EPHB1: variants seen among roughly 807,000 people sequenced by gnomAD.
EPHB1 encodes EPH receptor B1, also known as ephrin type-B receptor 1.
A neutral mutation model predicts 94.4 loss-of-function variants in EPHB1; 30 were observed. The observed-to-expected ratio is 0.32, with a 90% confidence interval of 0.24 to 0.43. The LOEUF (loss-of-function observed/expected upper bound fraction) is 0.43. EPHB1 is among the 20% of genes least tolerant of loss of function. The probability of loss-of-function intolerance (pLI) is 1.00; values close to 1 mark genes in which losing one functional copy is unlikely to be tolerated. For synonymous variants in EPHB1, 522 were observed against 489.1 expected (o/e 1.07, Z -0.89); for missense variants, 1,055 against 1,308.3 (o/e 0.81, Z 2.99).
chr3:134,795,525 G>A lies in EPHB1; in HGVS notation c.-107G>A. ...GTCCGGTCCGGGCGAGAGCGCGAAAGGATACCGAGAAGCCACCCGCGGAGA... is the reference window on the plus strand; with the variant it reads ...GTCCGGTCCGGGCGAGAGCGCGAAAAGATACCGAGAAGCCACCCGCGGAGA... On this transcript the variant is annotated 5_prime_UTR_variant, in exon 1 of 16. Coordinates refer to ENST00000398015, the MANE Select transcript of EPHB1 (RefSeq NM_004441.5). 9.2e-7 allele frequency: 1 copy of A among 1,089,264 alleles called. No homozygotes were observed. The highest frequency in any genetic ancestry group is 1.3e-6 in the Non-Finnish European group (1 of 757,106). The allele number at this position is 1,089,264 out of a possible 1,614,324, so 67.5% of individuals were successfully genotyped here.
intron 3 of EPHB1, among the ~76,000 whole-genome samples, chr3:134,952,411 A>G (rs555453409): frequency 1.3e-5 from 2 of 148,806 alleles, no homozygotes; most frequent in South Asian, 4.3e-4. Context: ...ACACACCCCT[A>G]TATCCTGCAT....
intron 15 of EPHB1, among the ~76,000 whole-genome samples, chr3:135,252,673 C>T: frequency 7.0e-6 from 1 of 143,314 alleles, no homozygotes; most frequent in African/African-American, 2.5e-5. Context: ...CCACAATAAA[C>T]ATACGTTTGC....
At chr3:135,114,593 A>G (rs1939606284) in intron 4 of EPHB1, among the ~76,000 whole-genome samples, 2 of 147,132 alleles carry the variant, frequency 1.4e-5, no homozygotes, top group South Asian at 4.3e-4. Flanking sequence ...GCGTGGTGGC[A>G]TGTTCCTGTA....
chr3:135,201,791 C>T, intron 12 of EPHB1, 102 bp downstream of exon 12: 1 of 1,105,898 alleles, frequency 9.0e-7, no homozygotes, highest in Non-Finnish European at 1.3e-6. Context: ...GGAATGGAAC[C>T]TGAACTGAGC....
intron 1 of EPHB1, among the ~76,000 whole-genome samples, chr3:134,873,707 G>A (rs559013079): frequency 5.9e-5 from 9 of 152,336 alleles, no homozygotes; most frequent in South Asian, 2.1e-4. Context: ...CCCTGGCCAC[G>A]CATCTGTGTT....
chr3:135,050,321 A>C (rs1184996407), intron 3 of EPHB1, among the ~76,000 whole-genome samples: 2 of 152,234 alleles, frequency 1.3e-5, no homozygotes, highest in African/African-American at 4.8e-5. Context: ...TGTAAAAGTC[A>C]CCTTGATCCC....
chr3:135,208,207 C>A (rs536378222), intron 12 of EPHB1, among the ~76,000 whole-genome samples: 3 of 151,862 alleles, frequency 2.0e-5, no homozygotes, highest in African/African-American at 7.3e-5. Flanking sequence ...TCCAAGGAGG[C>A]CTGTAGCAGT....
intron 2 of EPHB1, among the ~76,000 whole-genome samples, chr3:134,928,669 G>A (rs769971590): frequency 2.6e-5 from 4 of 152,256 alleles, no homozygotes; most frequent in African/African-American, 9.6e-5. Flanking sequence ...ATCAGTATTC[G>A]ACTTAGGGGC....
chr3:134,959,184 G>C (rs1333574863), intron 3 of EPHB1, among the ~76,000 whole-genome samples: 5 of 152,122 alleles, frequency 3.3e-5, no homozygotes, highest in Non-Finnish European at 5.9e-5. Flanking sequence ...GTCCAATAGG[G>C]GCCCTAATGC....
intron 3 of EPHB1, among the ~76,000 whole-genome samples, chr3:135,078,631 A>T (rs1042635539): frequency 7.9e-5 from 12 of 152,240 alleles, no homozygotes; most frequent in Admixed American, 5.2e-4. Context: ...TTGCCAGCAC[A>T]ATCTGTGAAA....
chr3:135,026,447 C>T (rs1936174332), intron 3 of EPHB1, among the ~76,000 whole-genome samples: 2 of 149,710 alleles, frequency 1.3e-5, no homozygotes, highest in South Asian at 2.1e-4. Context: ...GCCAGTTTTC[C>T]CAGCACCATT....
At chr3:134,915,826 C>T (rs891202678) in intron 1 of EPHB1, among the ~76,000 whole-genome samples, 3 of 152,124 alleles carry the variant, frequency 2.0e-5, no homozygotes, top group Non-Finnish European at 2.9e-5. Context: ...CTCATAAAGG[C>T]GTTGTGGACC....
At chr3:135,007,441 A>G (rs1051960640) in intron 3 of EPHB1, among the ~76,000 whole-genome samples, 2 of 152,240 alleles carry the variant, frequency 1.3e-5, no homozygotes, top group African/African-American at 4.8e-5. Context: ...AAATAATGGC[A>G]AGTGGATTCA....
intron 5 of EPHB1, among the ~76,000 whole-genome samples, chr3:135,134,962 G>T (rs1041271764): frequency 6.6e-6 from 1 of 152,052 alleles, no homozygotes; most frequent in Non-Finnish European, 1.5e-5. Context: ...CACCTTCCTA[G>T]ACTGCAGTGG....
At chr3:134,850,890 G>T (rs947943800) in intron 1 of EPHB1, among the ~76,000 whole-genome samples, 1 of 152,264 alleles carries the variant, frequency 6.6e-6, no homozygotes, top group African/African-American at 2.4e-5. Flanking sequence ...ACCTGTTGGT[G>T]CAGAGCCAGG....
intron 5 of EPHB1, among the ~76,000 whole-genome samples, chr3:135,139,755 G>A (rs1418292578): frequency 6.6e-6 from 1 of 152,206 alleles, no homozygotes; most frequent in African/African-American, 2.4e-5. Context: ...TCAAAAGTTA[G>A]GATGGAACCA....
Position 135,077,149 on chromosome 3 carries a change from T to G in EPHB1, c.806-29299T>G, listed in dbSNP as rs142091330. Reference sequence around the variant, plus strand: ...AAAGAAAGAGAAGTAGATTCCAGAATGTATTTTGCCAAAGGAACCATGGAC... The same window carrying G: ...AAAGAAAGAGAAGTAGATTCCAGAAGGTATTTTGCCAAAGGAACCATGGAC... On this transcript the variant is annotated intron_variant, in intron 3 of 15. Transcript: ENST00000398015. 2.9e-3 allele frequency among the ~76,000 whole-genome samples: 445 copies of G among 152,258 alleles called. 3 individuals are homozygous for G. Among genetic ancestry groups the G allele is most frequent in the African/African-American group, 0.01 (416 of 41,552 alleles).
intron 3 of EPHB1, among the ~76,000 whole-genome samples, chr3:134,989,475 G>A (rs566925233): frequency 6.8e-5 from 10 of 146,856 alleles, no homozygotes; most frequent in South Asian, 6.6e-4. Flanking sequence ...CAATACACAC[G>A]CCTGCACACG....
At chr3:134,858,771 G>A (rs1385298239) in intron 1 of EPHB1, among the ~76,000 whole-genome samples, 1 of 152,364 alleles carries the variant, frequency 6.6e-6, no homozygotes, top group East Asian at 1.9e-4. Context: ...CAGAGTCAAT[G>A]ACAGAGCTGG....
Sources: allele counts gnomAD v4.1 joint callset (sites outside exome capture counted in the v4.1 genomes callset), GRCh38; gene constraint gnomAD v4.1.1; transcripts MANE v1.5; gene names NCBI Gene and HGNC (gene_info 2026-07-23, HGNC 2026-07-21).